NLRC5: variants seen among roughly 807,000 people sequenced by gnomAD.
NLRC5 encodes NLR family CARD domain containing 5.
Under a neutral mutation model 206.9 loss-of-function variants are expected in NLRC5, and 114 were observed. The observed-to-expected ratio is 0.55, with a 90% confidence interval of 0.47 to 0.64. NLRC5 has a LOEUF of 0.64. Among genes scored for constraint, NLRC5 ranks in the 30% least tolerant of loss-of-function variants. The pLI, the probability that NLRC5 is intolerant of heterozygous loss-of-function variation, is 0.00. For synonymous variants in NLRC5, 952 were observed against 962.8 expected, an observed-to-expected ratio of 0.99 and a Z score of 0.21; for missense variants, 2,008 against 2,305.5, an observed-to-expected ratio of 0.87 and a Z score of 2.64.
chr16:57,061,287 C>A (rs2066444647), intron 30 of NLRC5, among the ~76,000 whole-genome samples, 161 bp from the exon 31 acceptor site: 3 of 152,228 alleles, frequency 2.0e-5, no homozygotes, highest in South Asian at 2.1e-4. Context: ...CAGGAAGCTC[C>A]CAGAGCAGGA....
chr16:57,063,106 CTTTTTTTTT>C (rs34897333), intron 32 of NLRC5, among the ~76,000 whole-genome samples: 1 of 95,068 alleles, frequency 1.1e-5, no homozygotes, highest in African/African-American at 4.9e-5. Context: ...ACTTTCCTTC[CTTTTTTTTT>C]TTTTTTTTTT....
At position 57,043,861 on chromosome 16, in the gene NLRC5, G is replaced by A. The variant is rs147547088; in HGVS notation, c.3203+257G>A. The A allele has an allele frequency of 1.6e-4, 86 of 536,774 alleles. 1 individual carries two copies. Among genetic ancestry groups the A allele is most frequent in the Non-Finnish European group, 1.5e-4 (44 of 300,318 alleles). The allele number at this position is 536,774 out of a possible 1,614,324, so 33.3% of individuals were successfully genotyped here. ...AGAGTTCATTGACTCTGCCTCACTC[G>A]TTCTTTGGATAGTCCTTAGAGATTT... On this transcript the variant is annotated intron_variant, in intron 20 of 48. Transcript: ENST00000688547.
At chr16:57,014,118 A>C (rs1471173295) in intron 1 of NLRC5, 1 of 187,518 alleles carries the variant, frequency 5.3e-6, no homozygotes, top group East Asian at 1.7e-4. Context: ...CCACATGGCG[A>C]GGGAGGCCTT....
rs1239613911 is a variant in NLRC5, at chr16:57,076,328, C to A, written c.4752-491C>A. Among the ~76,000 whole-genome samples, 8 of 152,360 alleles carry A rather than the reference C, an allele frequency of 5.3e-5. No homozygotes were observed. In the East Asian group the frequency reaches 1.2e-3, roughly 22 times the overall value. ...TATTTATTGTTTTTTCCTACCCAGG[C>A]AGAGCAAGGTCAGGGCTCAGTAAAG... is the stretch of plus-strand genomic sequence containing the variant. On this transcript the variant is annotated intron_variant, in intron 39 of 48. Coordinates refer to ENST00000688547, the MANE Select transcript of NLRC5 (RefSeq NM_001384950.1).
chr16:57,059,357 G>T, intron 29 of NLRC5, 110 bp from the exon 30 acceptor site: 2 of 1,510,218 alleles, frequency 1.3e-6, no homozygotes, highest in Non-Finnish European at 1.8e-6. Context: ...ATCCTCCCTT[G>T]TCCTTGTGGG....
At chr16:57,045,378 G>T in intron 20 of NLRC5, 70 bp from the exon 21 acceptor site, 1 of 1,533,726 alleles carries the variant, frequency 6.5e-7, no homozygotes. Flanking sequence ...TGACCAGTCT[G>T]GGTTCTTGCC....
chr16:57,047,766 G>A, intron 23 of NLRC5, 138 bp downstream of exon 23: 1 of 717,986 alleles, frequency 1.4e-6, no homozygotes, highest in Non-Finnish European at 2.4e-6. Flanking sequence ...GAGTCCCCTG[G>A]CCTTTGGTAG....
chr16:57,025,439 T>G lies in NLRC5; in HGVS notation c.496T>G (p.Ser166Ala). The G allele has an allele frequency of 1.3e-6, 2 of 1,599,124 alleles. No homozygotes were observed. The highest frequency in any genetic ancestry group is 1.7e-6 in the Non-Finnish European group (2 of 1,172,644). ...GCGCTACAGGAGCCAAATCCCTGGG[T>G]CAGGGCAGCCCCACGCCTTCCACCA... ...QQRYRSQIPG[S>A]GQPHAFHQVY... Residue 166 changes from serine to alanine, a missense_variant, in exon 6 of 49, where the codon TCA becomes GCA. Physicochemically the swap from Ser to Ala is moderately conservative, Grantham distance 99. Transcript: ENST00000688547.
At chr16:57,011,707 C>T (rs1236263526) in intron 1 of NLRC5, among the ~76,000 whole-genome samples, 2 of 130,738 alleles carry the variant, frequency 1.5e-5, no homozygotes, top group Non-Finnish European at 3.3e-5. Flanking sequence ...GGTGACAGAG[C>T]AAGACCCTGT....
At position 57,046,482 on chromosome 16, in the gene NLRC5, G is replaced by A. The variant is rs148322798; in HGVS notation, c.3249-70G>A. On this transcript the variant is annotated intron_variant, in intron 21 of 48. Coordinates refer to ENST00000688547, the MANE Select transcript of NLRC5 (RefSeq NM_001384950.1). ...CTTTCTAAACGATCCCCCTCCTAGG[G>A]GTATATGGGCTGGGCTGGGAGTCCG... 20 of 1,265,308 alleles carry A rather than the reference G, an allele frequency of 1.6e-5. No individual in the cohort carries two copies. In the African/African-American group the frequency reaches 2.3e-4, roughly 15 times the overall value. 78.4% of individuals were successfully genotyped at this position (1,265,308 alleles called of 1,614,324 possible). A position where few individuals can be genotyped will look rare whatever the true frequency, so the allele number is the denominator to read the frequency against.
At chr16:57,061,972 C>A (rs2066567722) in intron 32 of NLRC5, 1 of 1,496,324 alleles carries the variant, frequency 6.7e-7, no homozygotes, top group African/African-American at 1.4e-5. Flanking sequence ...GGATACTGAA[C>A]TGAGGACAAA....
At chr16:57,081,249 C>G (rs764030449) in intron 47 of NLRC5, 68 bp downstream of exon 47, 60 of 1,432,712 alleles carry the variant, frequency 4.2e-5, no homozygotes, top group Non-Finnish European at 5.5e-5. Context: ...CACCAAGAGG[C>G]CACTGGGTCA....
intron 39 of NLRC5, among the ~76,000 whole-genome samples, chr16:57,076,356 A>G (rs1228582514): frequency 1.3e-5 from 2 of 152,252 alleles, no homozygotes; most frequent in Non-Finnish European, 2.9e-5. Flanking sequence ...CAGTAAAGAC[A>G]ATACCCTGGG....
chr16:57,002,166 G>A (rs957922899), intron 1 of NLRC5, among the ~76,000 whole-genome samples: 11 of 151,810 alleles, frequency 7.2e-5, no homozygotes, highest in East Asian at 3.9e-4. Flanking sequence ...TCTTTCTTTC[G>A]AGATGGACTC....
rs531380258 is a variant in NLRC5 at position 57,000,067 on chromosome 16, A to C, written c.-128+10450A>C. Among the ~76,000 whole-genome samples the C allele has an allele frequency of 2.6e-5, 4 of 152,268 alleles. No individual in the cohort carries two copies. In the East Asian group the frequency reaches 7.7e-4, roughly 29 times the overall value. ...TCCCAGGTGATGCCGTCGTGCAGACAAGCATGGGAACCACTGGCCTGGAAG... is the reference window on the plus strand; with the variant it reads ...TCCCAGGTGATGCCGTCGTGCAGACCAGCATGGGAACCACTGGCCTGGAAG... On this transcript the variant is annotated intron_variant, in intron 1 of 48. Transcript: ENST00000688547.
intron 8 of NLRC5, 89 bp downstream of exon 8, chr16:57,028,474 A>G (rs1400984837): frequency 1.0e-6 from 1 of 1,000,604 alleles, no homozygotes; most frequent in Non-Finnish European, 1.6e-6. Context: ...TGTTCCTCCA[A>G]GTCTGACCAG....
intron 15 of NLRC5, 21 bp downstream of exon 15, chr16:57,037,305 CG>C (rs752475429): frequency 4.4e-6 from 7 of 1,591,888 alleles, no homozygotes; most frequent in Non-Finnish European, 5.1e-6. Context: ...CCTCAGACCA[CG>C]GTACCCATCC....
At chr16:56,995,535 C>T (rs182964909) in intron 1 of NLRC5, among the ~76,000 whole-genome samples, 30 of 152,274 alleles carry the variant, frequency 2.0e-4, no homozygotes, top group Admixed American at 2.0e-3. Context: ...AAAGATTGTG[C>T]CAATGTAGAG....
At chr16:57,020,374 C>T (rs866293696) in intron 2 of NLRC5, among the ~76,000 whole-genome samples, 9 of 148,154 alleles carry the variant, frequency 6.1e-5, no homozygotes, top group East Asian at 2.0e-4. Flanking sequence ...CCCAGCTCAC[C>T]TGCCTGCCCT....
Sources: gnomAD v4.1 joint callset for allele counts (sites outside exome capture counted in the v4.1 genomes callset) on GRCh38, gnomAD v4.1.1 for gene constraint, MANE v1.5 for transcripts, NCBI Gene and HGNC (gene_info 2026-07-23, HGNC 2026-07-21) for gene names.